Variants in SPATA31F1 observed in about 807,000 individuals in gnomAD.
SPATA31F1 encodes SPATA31 subfamily F member 1.
chr9:34,728,249 A>G, the SPATA31F1 span, among the ~76,000 whole-genome samples: 1 of 152,366 alleles, frequency 6.6e-6, no homozygotes, highest in Admixed American at 6.5e-5. Context: ...ACAATGTCCC[A>G]TATCTAATTT....
chr9:34,726,744 A>C, the SPATA31F1 span: 6 of 1,551,728 alleles, frequency 3.9e-6, no homozygotes, highest in Admixed American at 3.9e-5. Flanking sequence ...GTTACAGATG[A>C]CAGTGAAAGC....
At chr9:34,728,707 A>T in the SPATA31F1 span, 1 of 1,497,572 alleles carries the variant, frequency 6.7e-7, no homozygotes, top group Non-Finnish European at 9.1e-7. Flanking sequence ...TTTCTTTCTC[A>T]TGTCCAAAAT....
At chr9:34,726,932 C>G in the SPATA31F1 span, 2 of 1,551,622 alleles carry the variant, frequency 1.3e-6, no homozygotes, top group Non-Finnish European at 1.7e-6. Flanking sequence ...GATTTGGCAG[C>G]AGGGATCTGC....
chr9:34,727,069 C>T, the SPATA31F1 span: 1 of 1,480,094 alleles, frequency 6.8e-7, no homozygotes, highest in African/African-American at 1.4e-5. Flanking sequence ...TGGGCACTCT[C>T]CTTTCCCAGT....
At chr9:34,724,177 C>T in the SPATA31F1 span, 4 of 1,551,282 alleles carry the variant, frequency 2.6e-6, no homozygotes, top group Non-Finnish European at 2.6e-6. Context: ...AGGGTTCCTC[C>T]AGGCTGGGTT....
the SPATA31F1 span, among the ~76,000 whole-genome samples, chr9:34,727,561 C>T: frequency 6.6e-6 from 1 of 152,182 alleles, no homozygotes; most frequent in Admixed American, 6.5e-5. Context: ...GTCCCAAGTA[C>T]TGGCCTCACT....
the SPATA31F1 span, chr9:34,729,440 A>G: frequency 1.3e-6 from 2 of 1,543,116 alleles, no homozygotes; most frequent in Non-Finnish European, 1.7e-6. Flanking sequence ...TCTAAACTTC[A>G]TTAGCATGAG....
chr9:34,727,985 G>T, the SPATA31F1 span: 3 of 1,542,338 alleles, frequency 1.9e-6, no homozygotes, highest in Non-Finnish European at 1.8e-6. Flanking sequence ...CATAGGCCAG[G>T]CTGGTTGTTG....
chr9:34,729,462 C>T, the SPATA31F1 span: 2 of 1,527,410 alleles, frequency 1.3e-6, no homozygotes, highest in Non-Finnish European at 8.8e-7. Context: ...TCAACCATCC[C>T]TCTATCTCGG....
the SPATA31F1 span, chr9:34,723,900 G>A: frequency 6.4e-7 from 1 of 1,551,660 alleles, no homozygotes; most frequent in Non-Finnish European, 8.7e-7. Flanking sequence ...GGGTGATGCT[G>A]GGGGCTGTGT....
the SPATA31F1 span, chr9:34,729,464 C>T: frequency 2.2e-5 from 33 of 1,526,372 alleles, no homozygotes; most frequent in Non-Finnish European, 2.9e-5. Context: ...AACCATCCCT[C>T]TATCTCGGAA....
chr9:34,726,441 T>C, the SPATA31F1 span: 8 of 1,550,670 alleles, frequency 5.2e-6, no homozygotes, highest in Non-Finnish European at 7.0e-6. Flanking sequence ...CGGTTCAGGG[T>C]TTCTGGGTTC....
chr9:34,724,533 G>GT, the SPATA31F1 span: 1 of 1,549,620 alleles, frequency 6.5e-7, no homozygotes, highest in Non-Finnish European at 8.7e-7. Context: ...ATTCCCCATT[G>GT]TATCTCTAGG....
the SPATA31F1 span, chr9:34,723,947 C>T: frequency 8.4e-6 from 13 of 1,551,332 alleles, no homozygotes; most frequent in Admixed American, 2.0e-5. Context: ...ACGGCTCCAT[C>T]GCCAGGACCC....
chr9:34,724,120 A>G, the SPATA31F1 span: 723 of 1,535,652 alleles, frequency 4.7e-4, 4 homozygotes, highest in African/African-American at 5.5e-3. Flanking sequence ...GCATGGGGAC[A>G]TGGGCTGGGT....
At chr9:34,724,504 C>A in the SPATA31F1 span, 1 of 1,551,666 alleles carries the variant, frequency 6.4e-7, no homozygotes, top group East Asian at 2.4e-5. Flanking sequence ...GTTCCCTGGA[C>A]TTCCTTGCCC....
the SPATA31F1 span, chr9:34,727,028 A>T: frequency 6.5e-7 from 1 of 1,527,180 alleles, no homozygotes; most frequent in Non-Finnish European, 8.8e-7. Flanking sequence ...ATGGAGTGAC[A>T]TCTGCCTTCT....
At chr9:34,723,239 G>C in the SPATA31F1 span, 2 of 1,551,344 alleles carry the variant, frequency 1.3e-6, no homozygotes, top group East Asian at 4.9e-5. Context: ...GAGCTAGGTT[G>C]GGTGCCCTGG....
the SPATA31F1 span, chr9:34,723,599 T>G: frequency 1.9e-6 from 3 of 1,551,782 alleles, no homozygotes; most frequent in Admixed American, 3.9e-5. Context: ...ACATTTAATT[T>G]TATTTCTGAA....
Sources: gnomAD v4.1 joint callset for allele counts (sites outside exome capture counted in the v4.1 genomes callset) on GRCh38, gnomAD v4.1.1 for gene constraint, MANE v1.5 for transcripts, NCBI Gene and HGNC (gene_info 2026-07-23, HGNC 2026-07-21) for gene names.